Variants in FNDC3B observed in about 807,000 individuals in gnomAD.
FNDC3B encodes the protein fibronectin type III domain-containing protein 3B.
FNDC3B carries 12 observed loss-of-function variants against 151.5 expected under a neutral mutation model. That is an observed-to-expected ratio of 0.08 (90% confidence interval 0.05 to 0.13). The LOEUF is 0.13. FNDC3B is among the 10% of genes least tolerant of loss of function. The probability of loss-of-function intolerance (pLI) is 1.00; values close to 1 mark genes in which losing one functional copy is unlikely to be tolerated. For missense variants in FNDC3B, 1,214 were observed against 1,505.3 expected (o/e 0.81, Z 3.20); for synonymous variants, 528 against 549.0 (o/e 0.96, Z 0.54).
intron 23 of FNDC3B, among the ~76,000 whole-genome samples, chr3:172,368,787 C>T (rs190323202): frequency 1.1e-4 from 16 of 152,214 alleles, no homozygotes; most frequent in African/African-American, 3.6e-4. Context: ...GAGGCAGATG[C>T]GTCACCTGAG....
At chr3:172,332,992 G>A in intron 13 of FNDC3B, 97 bp from the exon 14 acceptor site, 1 of 808,990 alleles carries the variant, frequency 1.2e-6, no homozygotes, top group Non-Finnish European at 2.2e-6. Flanking sequence ...AGTTGCTGGT[G>A]ATGGTAGGGA....
intron 3 of FNDC3B, among the ~76,000 whole-genome samples, chr3:172,195,161 A>G (rs1724760778): frequency 6.6e-6 from 1 of 152,204 alleles, no homozygotes; most frequent in South Asian, 2.1e-4. Flanking sequence ...TTTACTAGTT[A>G]CAAGGATCTA....
chr3:172,168,002 A>T (rs530517700), intron 3 of FNDC3B, among the ~76,000 whole-genome samples: 5 of 152,334 alleles, frequency 3.3e-5, no homozygotes, highest in Admixed American at 1.3e-4. Flanking sequence ...GAAAAAGTGG[A>T]CATATTCCAG....
intron 3 of FNDC3B, among the ~76,000 whole-genome samples, chr3:172,191,497 C>T (rs773852114): frequency 1.3e-5 from 2 of 151,934 alleles, no homozygotes; most frequent in Non-Finnish European, 2.9e-5. Context: ...GTTTCAAATT[C>T]ATTGTTGTTG....
At chr3:172,110,970 G>A (rs1719930610) in intron 1 of FNDC3B, among the ~76,000 whole-genome samples, 1 of 151,812 alleles carries the variant, frequency 6.6e-6, no homozygotes, top group Admixed American at 6.6e-5. Flanking sequence ...ATAGTGGTGC[G>A]TGCCTGTAAT....
intron 9 of FNDC3B, among the ~76,000 whole-genome samples, chr3:172,299,307 A>G (rs1423617117): frequency 6.6e-6 from 1 of 152,224 alleles, no homozygotes; most frequent in Non-Finnish European, 1.5e-5. Flanking sequence ...CATGTGGCAT[A>G]GTATGTAGCC....
At chr3:172,174,990 TCTGGCC>T (rs1355312013) in intron 3 of FNDC3B, among the ~76,000 whole-genome samples, 3 of 123,450 alleles carry the variant, frequency 2.4e-5, no homozygotes, top group Non-Finnish European at 4.8e-5. Context: ...TAGTTTCCTC[TCTGGCC>T]ATGCTTTCTC....
intron 4 of FNDC3B, among the ~76,000 whole-genome samples, chr3:172,241,613 C>T (rs1161799775): frequency 6.6e-6 from 1 of 151,836 alleles, no homozygotes; most frequent in Non-Finnish European, 1.5e-5. Context: ...TCAAAACCAT[C>T]GGATCTCATG....
At chr3:172,347,167 T>C in intron 20 of FNDC3B, 45 bp from the exon 21 acceptor site, 1 of 1,560,370 alleles carries the variant, frequency 6.4e-7, no homozygotes, top group Non-Finnish European at 8.7e-7. Context: ...AGTAGGATTC[T>C]CTTCTCAGTG....
At position 172,235,830 on chromosome 3, in the gene FNDC3B, A is replaced by C. The variant is rs201202034; in HGVS notation, c.264+8883A>C. ...AATATGCCAGTTGCCTGTTGGGTTA[A>C]GTCTGGAAGACCCTGTTCTGTGTAT... On this transcript the variant is annotated intron_variant, in intron 4 of 25. Coordinates refer to ENST00000415807, the MANE Select transcript of FNDC3B (RefSeq NM_022763.4). Among the ~76,000 whole-genome samples, 9 of 152,362 alleles carry C rather than the reference A, an allele frequency of 5.9e-5. No individual in the cohort carries two copies. The East Asian group carries it at 1.7e-3, about 29-fold the overall frequency.
At chr3:172,336,720 G>A (rs2108297889) in intron 15 of FNDC3B, among the ~76,000 whole-genome samples, 1 of 152,094 alleles carries the variant, frequency 6.6e-6, no homozygotes, top group East Asian at 1.9e-4. Context: ...GACTAACGTG[G>A]TGAAACCCTG....
chr3:172,077,724 T>TC (rs1491462483), intron 1 of FNDC3B, among the ~76,000 whole-genome samples: 3 of 150,736 alleles, frequency 2.0e-5, no homozygotes, highest in African/African-American at 4.9e-5. Flanking sequence ...TTTGACTTTT[T>TC]CCCCCCCAAA....
At chr3:172,083,805 A>C (rs532849068) in intron 1 of FNDC3B, among the ~76,000 whole-genome samples, 53 of 152,328 alleles carry the variant, frequency 3.5e-4, no homozygotes, top group African/African-American at 1.2e-3. Flanking sequence ...AAAAGAAATC[A>C]GGAATTATAA....
At chr3:172,180,937 G>T (rs1318423248) in intron 3 of FNDC3B, among the ~76,000 whole-genome samples, 1 of 151,644 alleles carries the variant, frequency 6.6e-6, no homozygotes, top group Non-Finnish European at 1.5e-5. Context: ...TTAGGTTGGG[G>T]CAAAAAAATA....
At chr3:172,194,825 G>A (rs1457114629) in intron 3 of FNDC3B, among the ~76,000 whole-genome samples, 1 of 152,072 alleles carries the variant, frequency 6.6e-6, no homozygotes, top group Non-Finnish European at 1.5e-5. Context: ...CAACTCTGGT[G>A]GGTAACCTAA....
chr3:172,149,592 G>T (rs1722104105), intron 3 of FNDC3B, among the ~76,000 whole-genome samples: 1 of 151,984 alleles, frequency 6.6e-6, no homozygotes, highest in South Asian at 2.1e-4. Context: ...CAGATTTCAA[G>T]AGCTTAATTA....
intron 25 of FNDC3B, among the ~76,000 whole-genome samples, chr3:172,396,437 T>C (rs897140903): frequency 6.6e-6 from 1 of 152,230 alleles, no homozygotes; most frequent in Non-Finnish European, 1.5e-5. Flanking sequence ...AGTTTTTAAT[T>C]GTTTCCATTT....
chr3:172,231,011 C>G (rs1726860694), intron 4 of FNDC3B, among the ~76,000 whole-genome samples: 1 of 152,154 alleles, frequency 6.6e-6, no homozygotes, highest in Non-Finnish European at 1.5e-5. Context: ...CAGGAATGTT[C>G]ATAGGAGCAT....
At chr3:172,127,234 G>C (rs1221762603) in intron 2 of FNDC3B, among the ~76,000 whole-genome samples, 1 of 152,250 alleles carries the variant, frequency 6.6e-6, no homozygotes, top group Non-Finnish European at 1.5e-5. Flanking sequence ...ATATTTCCTA[G>C]AAGAGAACTT....
Sources: allele counts gnomAD v4.1 joint callset (sites outside exome capture counted in the v4.1 genomes callset), GRCh38; gene constraint gnomAD v4.1.1; transcripts MANE v1.5; gene names NCBI Gene and HGNC (gene_info 2026-07-23, HGNC 2026-07-21).